Variants in LAMP5 observed in about 807,000 individuals in gnomAD.
LAMP5 encodes the protein lysosome associated membrane protein 5, also known as lysosome-associated membrane glycoprotein 5.
In LAMP5, 36 loss-of-function variants were observed where a neutral mutation model predicts 30.2. The observed-to-expected ratio is 1.19, with a 90% confidence interval of 0.91 to 1.57. The LOEUF (loss-of-function observed/expected upper bound fraction) is 1.57, where lower values mean the gene tolerates loss of function less well. Among genes scored for constraint, LAMP5 ranks in the 40% most tolerant of loss-of-function variants. LAMP5 has a pLI of 0.00. For synonymous variants in LAMP5, 149 were observed against 134.6 expected (o/e 1.11, Z -0.74); for missense variants, 377 against 354.9 (o/e 1.06, Z -0.50).
rs1052495637 is a variant in LAMP5, at chr20:9,515,640, C to G, written c.237+15C>G. ...ACTACGTAGATGTAAGGAATCTTTC[C>G]CCCCCCTCAGCTTGCTCCTAGGGCT... On this transcript the variant is annotated intron_variant, in intron 2 of 5. Transcript: ENST00000246070. 1 of 1,607,134 alleles carries G rather than the reference C, an allele frequency of 6.2e-7. No individual in the cohort carries two copies. The highest frequency in any genetic ancestry group is 2.2e-5 in the East Asian group (1 of 44,842).
Position 9,514,724 on chromosome 20 carries a change from TC to T in LAMP5, c.-126del. 1 of 736,666 alleles carries T rather than the reference TC, an allele frequency of 1.4e-6. No homozygotes were observed. Among genetic ancestry groups the T allele is most frequent in the Non-Finnish European group, 2.3e-6 (1 of 441,580 alleles). 45.6% of individuals were successfully genotyped at this position (736,666 alleles called of 1,614,324 possible). On this transcript the variant is annotated 5_prime_UTR_variant, in exon 1 of 6. Transcript: ENST00000246070. The stretch of plus-strand genomic sequence containing the variant: ...AGCTAGGCGCTCACAGAATACGCGC[TC>T]CCTCCCTCCCCCTTCTCTGTCCCCC...
intron 2 of LAMP5, 111 bp from the exon 3 acceptor site, chr20:9,515,889 C>T: frequency 7.9e-7 from 1 of 1,264,018 alleles, no homozygotes; most frequent in Non-Finnish European, 1.1e-6. Context: ...GGGATGCGCG[C>T]GCGCAAAGGA....
chr20:9,525,118 C>T, intron 5 of LAMP5, among the ~76,000 whole-genome samples: 1 of 152,050 alleles, frequency 6.6e-6, no homozygotes, highest in South Asian at 2.1e-4. Context: ...AGAAATAAAT[C>T]ATGATAGCAT....
intron 4 of LAMP5, 127 bp from the exon 5 acceptor site, chr20:9,517,913 C>G (rs960500781): frequency 1.4e-6 from 1 of 736,430 alleles, no homozygotes; most frequent in East Asian, 2.7e-5. Context: ...GAGCCCTAGC[C>G]CTGGCAAGGG....
chr20:9,516,584 C>A (rs2045042202), intron 4 of LAMP5, among the ~76,000 whole-genome samples: 1 of 152,126 alleles, frequency 6.6e-6, no homozygotes. Flanking sequence ...GGGACCCAAA[C>A]GTCACCCGTG....
chr20:9,518,719 T>G (rs962477654), intron 5 of LAMP5, among the ~76,000 whole-genome samples: 9 of 152,274 alleles, frequency 5.9e-5, no homozygotes, highest in African/African-American at 2.2e-4. Flanking sequence ...AAAGGGCCTT[T>G]GCCTTTCTGG....
intron 5 of LAMP5, among the ~76,000 whole-genome samples, chr20:9,525,509 T>A (rs1267115335): frequency 6.6e-6 from 1 of 152,220 alleles, no homozygotes; most frequent in Non-Finnish European, 1.5e-5. Flanking sequence ...GAGCCCACTA[T>A]CATCTCTTTC....
intron 4 of LAMP5, among the ~76,000 whole-genome samples, 155 bp from the exon 5 acceptor site, chr20:9,517,885 C>A (rs1203360932): frequency 6.6e-6 from 1 of 152,178 alleles, no homozygotes; most frequent in African/African-American, 2.4e-5. Flanking sequence ...CCTTCATCAC[C>A]ACTTGATGCC....
chr20:9,514,868 A>G lies in LAMP5; in HGVS notation c.16A>G (p.Arg6Gly). 1 of 1,614,180 alleles carries G rather than the reference A, an allele frequency of 6.2e-7. No individual in the cohort carries two copies. The highest frequency in any genetic ancestry group is 1.1e-5 in the South Asian group (1 of 91,082). Residue 6 changes from arginine to glycine, a missense_variant, in exon 1 of 6, where the codon AGA becomes GGA. Transcript: ENST00000246070. The stretch of plus-strand genomic sequence containing the variant: ...CACTGCGAGTATGGATCTCCAAGGA[A>G]GAGGGGTCCCCAGCATCGACAGACT... MDLQGRGVPSIDRLRV... is the reference protein window; with the variant it reads MDLQGGGVPSIDRLRV...
At chr20:9,521,402 A>G (rs566649185) in intron 5 of LAMP5, among the ~76,000 whole-genome samples, 2 of 152,268 alleles carry the variant, frequency 1.3e-5, no homozygotes, top group African/African-American at 4.8e-5. Flanking sequence ...TACAGCTGCA[A>G]ATTTTCTTGT....
At position 9,522,972 on chromosome 20, in the gene LAMP5, C is replaced by CTTTTTTTTTT. The variant is rs60017722; in HGVS notation, c.664+4757_664+4766dup. ...TTTTTTTCTTCTCTAATACTTAAAT[C>CTTTTTTTTTT]TTTTTTTTTTTTTTTTTTTTTTGAG... On this transcript the variant is annotated intron_variant, in intron 5 of 5. Transcript: ENST00000246070. Among the ~76,000 whole-genome samples, 37 of 104,166 alleles carry CTTTTTTTTTT rather than the reference C, an allele frequency of 3.6e-4. 1 individual carries two copies. The highest frequency in any genetic ancestry group is 7.8e-4 in the African/African-American group (18 of 23,176). 68.3% of individuals were successfully genotyped at this position (104,166 alleles called of 152,430 possible). A position where few individuals can be genotyped will look rare whatever the true frequency, so the allele number is the denominator to read the frequency against.
At chr20:9,523,113 G>C (rs1236421596) in intron 5 of LAMP5, among the ~76,000 whole-genome samples, 1 of 151,460 alleles carries the variant, frequency 6.6e-6, no homozygotes, top group Non-Finnish European at 1.5e-5. Flanking sequence ...TCTTGATGAG[G>C]GTATCAGCTT....
chr20:9,515,095 C>T (rs1361965638), intron 1 of LAMP5, 179 bp downstream of exon 1: 3 of 652,338 alleles, frequency 4.6e-6, no homozygotes, highest in Admixed American at 2.5e-5. Context: ...CAGGGAATTC[C>T]CCTGAGAGCC....
chr20:9,516,213 G>C, intron 3 of LAMP5, 43 bp from the exon 4 acceptor site: 1 of 1,611,678 alleles, frequency 6.2e-7, no homozygotes, highest in Non-Finnish European at 8.5e-7. Flanking sequence ...TAAGAACCCA[G>C]ACGCTGCGGG....
intron 1 of LAMP5, 22 bp from the exon 2 acceptor site, chr20:9,515,431 A>C: frequency 1.9e-6 from 3 of 1,607,750 alleles, no homozygotes; most frequent in Non-Finnish European, 2.5e-6. Flanking sequence ...GAACTGATGG[A>C]ATTGTTTTGT....
chr20:9,526,860 G>GTATATATATATATA (rs201564418), intron 5 of LAMP5, among the ~76,000 whole-genome samples: 89 of 80,168 alleles, frequency 1.1e-3, no homozygotes, highest in Non-Finnish European at 1.6e-3. Context: ...GTGTGTGTGT[G>GTATATATATATATA]TATATATATA....
At position 9,514,785 on chromosome 20, in the gene LAMP5, C is replaced by G; in HGVS notation, c.-68C>G. 6.6e-7 allele frequency: 1 copy of G among 1,504,876 alleles called. No individual in the cohort carries two copies. Among genetic ancestry groups the G allele is most frequent in the South Asian group, 1.1e-5 (1 of 87,836 alleles). 93.2% of individuals were successfully genotyped at this position (1,504,876 alleles called of 1,614,324 possible). A position where few individuals can be genotyped will look rare whatever the true frequency, so the allele number is the denominator to read the frequency against. ...TCACCCCGGCCCACTCCAGCGGCGACTTTGAGGGATTCCCTCTCTGGCGGC... is the reference window on the plus strand; with the variant it reads ...TCACCCCGGCCCACTCCAGCGGCGAGTTTGAGGGATTCCCTCTCTGGCGGC... On this transcript the variant is annotated 5_prime_UTR_variant, in exon 1 of 6. Coordinates refer to ENST00000246070, the MANE Select transcript of LAMP5 (RefSeq NM_012261.4).
At chr20:9,517,476 C>T (rs927486417) in intron 4 of LAMP5, among the ~76,000 whole-genome samples, 48 of 151,800 alleles carry the variant, frequency 3.2e-4, no homozygotes, top group African/African-American at 1.2e-3. Context: ...CTCACTCTGT[C>T]CACCAGGGTG....
chr20:9,526,938 T>C (rs767360062), intron 5 of LAMP5, among the ~76,000 whole-genome samples: 9 of 147,308 alleles, frequency 6.1e-5, no homozygotes, highest in Non-Finnish European at 9.0e-5. Context: ...TAGGTACAAT[T>C]GTATGCATTT....
Sources: gnomAD v4.1 joint callset for allele counts (sites outside exome capture counted in the v4.1 genomes callset) on GRCh38, gnomAD v4.1.1 for gene constraint, MANE v1.5 for transcripts, NCBI Gene and HGNC (gene_info 2026-07-23, HGNC 2026-07-21) for gene names.